KCNJ15: variants seen among roughly 807,000 people sequenced by gnomAD.
KCNJ15 encodes potassium inwardly rectifying channel subfamily J member 15.
Under a neutral mutation model 23.0 loss-of-function variants are expected in KCNJ15, and 14 were observed. The observed-to-expected ratio is 0.61, with a 90% confidence interval of 0.40 to 0.95. The LOEUF is 0.95. Among genes scored for constraint, KCNJ15 ranks in the 40% least tolerant of loss-of-function variants. The probability of loss-of-function intolerance (pLI) is 0.00; values close to 1 mark genes in which losing one functional copy is unlikely to be tolerated. For synonymous variants in KCNJ15, 185 were observed against 183.2 expected, an observed-to-expected ratio of 1.01 and a Z score of -0.08; for missense variants, 388 against 461.8, an observed-to-expected ratio of 0.84 and a Z score of 1.46.
rs139186102 is a variant in KCNJ15 at position 38,293,966 on chromosome 21, G to A, written c.-116-2960G>A. Among the ~76,000 whole-genome samples, 1,280 of 152,326 alleles carry A rather than the reference G, an allele frequency of 8.4e-3. 19 individuals carry two copies. The highest frequency in any genetic ancestry group is 0.03 in the African/African-American group (1,243 of 41,558). On this transcript the variant is annotated intron_variant, in intron 1 of 2. Transcript: ENST00000398938. ...AGCGGATCCTTCACTGCTGCGTAGTGTAGGGAGGAAAATGGCCCAAGGCCA... is the reference window on the plus strand; with the variant it reads ...AGCGGATCCTTCACTGCTGCGTAGTATAGGGAGGAAAATGGCCCAAGGCCA...
chr21:38,295,952 T>C, intron 1 of KCNJ15, among the ~76,000 whole-genome samples: 1 of 152,174 alleles, frequency 6.6e-6, no homozygotes, highest in East Asian at 1.9e-4. Context: ...TGTAAGAGGA[T>C]GCACAGGTTA....
At chr21:38,264,942 C>A (rs911332661) in intron 1 of KCNJ15, among the ~76,000 whole-genome samples, 3 of 152,096 alleles carry the variant, frequency 2.0e-5, no homozygotes, top group African/African-American at 7.2e-5. Context: ...AATACGGAGC[C>A]AGCAGGGTTC....
chr21:38,294,500 T>C (rs1380559386), intron 1 of KCNJ15, among the ~76,000 whole-genome samples: 1 of 152,216 alleles, frequency 6.6e-6, no homozygotes, highest in Non-Finnish European at 1.5e-5. Context: ...ATGTTTTTTC[T>C]AAGGGGCCTT....
chr21:38,304,348 G>T lies in KCNJ15; in HGVS notation c.*3959G>T, dbSNP rs879562552. ...TTCCACCTATGAGTGAGAACATGCG[G>T]TGTTTGGTTTTCTGTCCTTGAGATA... On this transcript the variant is annotated 3_prime_UTR_variant, in exon 3 of 3. Coordinates refer to ENST00000398938, the MANE Select transcript of KCNJ15 (RefSeq NM_170736.3). 4 of 149,716 alleles carry T rather than the reference G, an allele frequency of 2.7e-5. No individual in the cohort carries two copies. The highest frequency in any genetic ancestry group is 2.0e-4 in the Admixed American group (3 of 14,910). 9.3% of individuals were successfully genotyped at this position (149,716 alleles called of 1,614,324 possible). A position where few individuals can be genotyped will look rare whatever the true frequency, so the allele number is the denominator to read the frequency against.
In KCNJ15 at chr21:38,242,715, C is replaced by A. The variant is rs542085523; in HGVS notation, c.-398-14331C>A. ...CTGACTCCTCCATCCCCAGGAGGCTCTATCTAACAGCAGCCTCATCAGGGA... is the reference window on the plus strand; with the variant it reads ...CTGACTCCTCCATCCCCAGGAGGCTATATCTAACAGCAGCCTCATCAGGGA... On this transcript the variant is annotated intron_variant, in intron 1 of 4. Transcript: ENST00000547341. Among the ~76,000 whole-genome samples the A allele has an allele frequency of 2.9e-3, 448 of 152,290 alleles. 6 individuals are homozygous for A. Among genetic ancestry groups the A allele is most frequent in the Non-Finnish European group, 2.2e-3 (147 of 68,018 alleles).
rs116132782 is a variant in KCNJ15 at position 38,302,304 on chromosome 21, T to A, written c.*1915T>A. On this transcript the variant is annotated 3_prime_UTR_variant, in exon 3 of 3. Coordinates refer to ENST00000398938, the MANE Select transcript of KCNJ15 (RefSeq NM_170736.3). ...TACAGCAAATCTGGATATATATTGA[T>A]GTTACTGCATTTGCAAATGTCCTCC... The A allele has an allele frequency of 1.5e-3, 227 of 152,354 alleles. 1 individual carries two copies. Among genetic ancestry groups the A allele is most frequent in the African/African-American group, 5.2e-3 (217 of 41,582 alleles). 9.4% of individuals were successfully genotyped at this position (152,354 alleles called of 1,614,324 possible). A position where few individuals can be genotyped will look rare whatever the true frequency, so the allele number is the denominator to read the frequency against.
At chr21:38,272,120 TA>T in intron 1 of KCNJ15, 1 of 152,194 alleles carries the variant, frequency 6.6e-6, no homozygotes, top group South Asian at 2.1e-4. Context: ...TCTGAAGAAT[TA>T]AAAAACTTAC....
chr21:38,235,201 GA>G (rs904407962), intron 1 of KCNJ15, among the ~76,000 whole-genome samples: 2 of 151,980 alleles, frequency 1.3e-5, no homozygotes, highest in African/African-American at 4.8e-5. Flanking sequence ...TTTTTTGTCA[GA>G]AAATCATTTC....
chr21:38,291,672 C>T (rs1210106875), intron 1 of KCNJ15: 1 of 152,158 alleles, frequency 6.6e-6, no homozygotes, highest in East Asian at 1.9e-4. Context: ...CTAACAGCAT[C>T]GGGGATATCT....
At chr21:38,254,949 G>A (rs1980088607), upstream of KCNJ15, among the ~76,000 whole-genome samples, 1 of 152,210 alleles carries the variant, frequency 6.6e-6, no homozygotes, top group Non-Finnish European at 1.5e-5. Context: ...TCTTCCATAT[G>A]TAATCTTTTG....
Position 38,305,915 on chromosome 21 carries a change from A to G in KCNJ15, c.*5526A>G, listed in dbSNP as rs1166260224. On this transcript the variant is annotated 3_prime_UTR_variant, in exon 3 of 3. Transcript: ENST00000398938. Reference sequence around the variant, plus strand: ...TATTTCCCTGGCTTGCCCAATTATCAAGGGAAAATTTCAGCTGAACACGGG... The same window carrying G: ...TATTTCCCTGGCTTGCCCAATTATCGAGGGAAAATTTCAGCTGAACACGGG... The G allele has an allele frequency of 2.6e-5, 4 of 152,216 alleles. No individual in the cohort carries two copies. The East Asian group carries it at 7.7e-4, about 29-fold the overall frequency. 9.4% of individuals were successfully genotyped at this position (152,216 alleles called of 1,614,324 possible). A position where few individuals can be genotyped will look rare whatever the true frequency, so the allele number is the denominator to read the frequency against.
chr21:38,260,195 G>A (rs567840742), intron 1 of KCNJ15, among the ~76,000 whole-genome samples: 1 of 152,196 alleles, frequency 6.6e-6, no homozygotes, highest in African/African-American at 2.4e-5. Flanking sequence ...AAAAAATGAG[G>A]GGGTAGATAT....
intron 1 of KCNJ15, among the ~76,000 whole-genome samples, chr21:38,239,344 AT>A: frequency 6.6e-6 from 1 of 152,378 alleles, no homozygotes; most frequent in Non-Finnish European, 1.5e-5. Flanking sequence ...GTTCAATTCA[AT>A]AGCTAGTTAT....
chr21:38,296,985 C>T lies in KCNJ15; in HGVS notation c.-57C>T, dbSNP rs990093221. ...AAGGGGAGCGAGGACGTTCTACCTG[C>T]CTTGAAGAAGACACCTGACCTGCGG... On this transcript the variant is annotated 5_prime_UTR_variant, in exon 2 of 3. Coordinates refer to ENST00000398938, the MANE Select transcript of KCNJ15 (RefSeq NM_170736.3). 6.6e-6 allele frequency: 1 copy of T among 152,584 alleles called. No individual in the cohort carries two copies. The highest frequency in any genetic ancestry group is 2.1e-4 in the South Asian group (1 of 4,820). 9.5% of individuals were successfully genotyped at this position (152,584 alleles called of 1,614,324 possible). A position where few individuals can be genotyped will look rare whatever the true frequency, so the allele number is the denominator to read the frequency against.
chr21:38,303,923 G>C lies in KCNJ15; in HGVS notation c.*3534G>C, dbSNP rs1475356156. On this transcript the variant is annotated 3_prime_UTR_variant, in exon 3 of 3. Coordinates refer to ENST00000398938, the MANE Select transcript of KCNJ15 (RefSeq NM_170736.3). ...ATGAAAGCACTAGGCCTTTGACTAG[G>C]TTTGGTTCTATATGCTGTCATGATG... 1 of 152,076 alleles carries C rather than the reference G, an allele frequency of 6.6e-6. No homozygotes were observed. Among genetic ancestry groups the C allele is most frequent in the Non-Finnish European group, 1.5e-5 (1 of 68,010 alleles). 9.4% of individuals were successfully genotyped at this position (152,076 alleles called of 1,614,324 possible).
At chr21:38,241,543 G>T (rs746719188) in intron 1 of KCNJ15, among the ~76,000 whole-genome samples, 7 of 152,184 alleles carry the variant, frequency 4.6e-5, no homozygotes, top group Non-Finnish European at 1.0e-4. Flanking sequence ...GCTACCAACA[G>T]TGAATTTGTT....
At chr21:38,237,152 C>T (rs992086190) in intron 1 of KCNJ15, 3 of 152,188 alleles carry the variant, frequency 2.0e-5, no homozygotes, top group Admixed American at 6.5e-5. Context: ...AGAGGCAGGA[C>T]GAACTTCTCA....
At chr21:38,268,487 A>G (rs1981699931) in intron 1 of KCNJ15, among the ~76,000 whole-genome samples, 2 of 151,496 alleles carry the variant, frequency 1.3e-5, no homozygotes, top group African/African-American at 4.8e-5. Context: ...ATGAGTAACA[A>G]CACACAGTTT....
upstream of KCNJ15, among the ~76,000 whole-genome samples, chr21:38,256,378 A>ATATATATATATG (rs1555882101): frequency 3.1e-4 from 45 of 143,618 alleles, no homozygotes; most frequent in African/African-American, 1.2e-3. Flanking sequence ...ATATATATAT[A>ATATATATATATG]TAATATTTAT....
Sources: allele counts gnomAD v4.1 joint callset (sites outside exome capture counted in the v4.1 genomes callset), GRCh38; gene constraint gnomAD v4.1.1; transcripts MANE v1.5; gene names NCBI Gene and HGNC (gene_info 2026-07-23, HGNC 2026-07-21).